Variants in CARF observed in about 807,000 individuals in gnomAD.
CARF encodes calcium-responsive transcription factor.
In CARF, 57 loss-of-function variants were observed where a neutral mutation model predicts 82.0. That is an observed-to-expected ratio of 0.70 (90% CI 0.56 to 0.87). The LOEUF is 0.87. CARF is among the 40% of genes least tolerant of loss of function. CARF has a pLI of 0.00. For synonymous variants in CARF, 268 were observed against 290.1 expected, an observed-to-expected ratio of 0.92 and a Z score of 0.77; for missense variants, 771 against 855.8, an observed-to-expected ratio of 0.90 and a Z score of 1.24.
chr2:202,949,854 A>G (rs2058680399), intron 5 of CARF, among the ~76,000 whole-genome samples: 1 of 152,108 alleles, frequency 6.6e-6, no homozygotes. Flanking sequence ...CTGGCCCAAT[A>G]TGACTTTTTA....
At chr2:202,973,830 G>C (rs2059914110) in intron 12 of CARF, among the ~76,000 whole-genome samples, 1 of 152,210 alleles carries the variant, frequency 6.6e-6, no homozygotes, top group Admixed American at 6.5e-5. Context: ...GCTCACGCCT[G>C]TAATCCCAGC....
rs758627013 is a variant in CARF at position 202,982,227 on chromosome 2, C to G, written c.1845C>G (p.Ser615Arg). 15 of 1,613,946 alleles carry G rather than the reference C, an allele frequency of 9.3e-6. No homozygotes were observed. In the East Asian group the frequency reaches 3.1e-4, roughly 34 times the overall value. Reference sequence around the variant, plus strand: ...CTCTACTGCTTGGTCAAAGTCATAGCCTTCAAAGAGATACATGCTTAACCC... The same window carrying G: ...CTCTACTGCTTGGTCAAAGTCATAGGCTTCAAAGAGATACATGCTTAACCC... ...NNSLLLGQSHSLQRDTCLTQN... is the reference protein window; with the variant it reads ...NNSLLLGQSHRLQRDTCLTQN... Residue 615 changes from serine to arginine, a missense_variant, in exon 16 of 17, where the codon AGC becomes AGG. Transcript: ENST00000438828.
intron 3 of CARF, among the ~76,000 whole-genome samples, chr2:202,930,975 T>C (rs901142095): frequency 4.8e-5 from 7 of 145,372 alleles, no homozygotes; most frequent in South Asian, 4.5e-4. Flanking sequence ...TTTCTTTTTT[T>C]TTTTTTTTTT....
intron 1 of CARF, among the ~76,000 whole-genome samples, chr2:202,915,552 C>G (rs879645487): frequency 2.5e-4 from 38 of 152,156 alleles, no homozygotes; most frequent in Non-Finnish European, 4.7e-4. Flanking sequence ...TCACTGCAAC[C>G]TCCAACTCCC....
At position 202,952,515 on chromosome 2, in the gene CARF, G is replaced by A. The variant is rs374958746; in HGVS notation, c.307-44G>A. ...TTAATTAATAATTTTTGTTAAATCA[G>A]TCTAGGCATATGCATTTGATTTTTT... is the stretch of plus-strand genomic sequence containing the variant. On this transcript the variant is annotated intron_variant, in intron 5 of 16. Coordinates refer to ENST00000438828, the MANE Select transcript of CARF (RefSeq NM_024744.17). 3.9e-5 allele frequency: 62 copies of A among 1,598,836 alleles called. No homozygotes were observed. In the African/African-American group the frequency reaches 7.4e-4, roughly 19 times the overall value.
At chr2:202,969,411 A>C (rs986320023) in intron 10 of CARF, among the ~76,000 whole-genome samples, 7 of 151,914 alleles carry the variant, frequency 4.6e-5, no homozygotes, top group Non-Finnish European at 1.0e-4. Flanking sequence ...CCCTGTCTCT[A>C]CTAAAAATAC....
At chr2:202,983,193 CA>C (rs747573480) in intron 16 of CARF, among the ~76,000 whole-genome samples, 2 of 152,122 alleles carry the variant, frequency 1.3e-5, no homozygotes, top group Non-Finnish European at 2.9e-5. Context: ...TTTGGAATTA[CA>C]AAATAAATGT....
chr2:202,960,729 C>T (rs1052697795), intron 8 of CARF, among the ~76,000 whole-genome samples: 1 of 151,364 alleles, frequency 6.6e-6, no homozygotes, highest in African/African-American at 2.4e-5. Context: ...CGCCTTCCCA[C>T]CTTCCCGCCT....
intron 9 of CARF, chr2:202,962,582 TA>T (rs1220288845): frequency 6.6e-6 from 1 of 152,176 alleles, no homozygotes; most frequent in African/African-American, 2.4e-5. Flanking sequence ...TAACCCTCCA[TA>T]GGTAGCTACT....
intron 8 of CARF, among the ~76,000 whole-genome samples, chr2:202,956,743 G>A (rs1427926835): frequency 1.3e-5 from 2 of 151,978 alleles, no homozygotes; most frequent in Non-Finnish European, 2.9e-5. Context: ...ATAAAGTTTT[G>A]TACTAATTTC....
chr2:202,958,706 A>AC (rs1328684870), intron 8 of CARF, among the ~76,000 whole-genome samples: 1 of 151,988 alleles, frequency 6.6e-6, no homozygotes, highest in Non-Finnish European at 1.5e-5. Flanking sequence ...AGAGATTGAG[A>AC]CCATCCTGGC....
chr2:202,981,822 G>A, intron 15 of CARF, 137 bp downstream of exon 15: 2 of 1,021,796 alleles, frequency 2.0e-6, no homozygotes, highest in Non-Finnish European at 2.8e-6. Context: ...TTAATTTCCT[G>A]ATCTTTTTGT....
chr2:202,942,477 A>G (rs1309552823), intron 4 of CARF: 7 of 556,226 alleles, frequency 1.3e-5, no homozygotes, highest in African/African-American at 2.0e-5. Flanking sequence ...TAAAAATTTT[A>G]TATACAGAGA....
At chr2:202,982,581 G>T in intron 16 of CARF, 140 bp downstream of exon 16, 3 of 847,822 alleles carry the variant, frequency 3.5e-6, no homozygotes, top group South Asian at 2.1e-5. Flanking sequence ...TGAGAGAGAA[G>T]GAGGAGATTT....
At position 202,982,457 on chromosome 2, in the gene CARF, T is replaced by C. The variant is rs759512977; in HGVS notation, c.2059+16T>C. 3.5e-5 allele frequency: 57 copies of C among 1,612,360 alleles called. 2 individuals are homozygous for C. The South Asian group carries it at 5.9e-4, about 17-fold the overall frequency. On this transcript the variant is annotated intron_variant, in intron 16 of 16. Transcript: ENST00000438828. ...TCAGCTCTTAGTAAGTTGAAATCAA[T>C]TTATGATGTTATTGTTGTAACCTTT...
At chr2:202,923,016 C>T (rs555605062) in intron 2 of CARF, among the ~76,000 whole-genome samples, 108 of 151,896 alleles carry the variant, frequency 7.1e-4, no homozygotes, top group African/African-American at 2.4e-3. Flanking sequence ...CTGAGGTGGG[C>T]GGATCACCTG....
At chr2:202,934,667 C>T (rs1384677555) in intron 3 of CARF, 3 of 152,194 alleles carry the variant, frequency 2.0e-5, no homozygotes, top group African/African-American at 7.2e-5. Flanking sequence ...GTTGTCCGGG[C>T]TCGTCTGGAA....
At chr2:202,918,444 C>G (rs1458251437) in intron 2 of CARF, among the ~76,000 whole-genome samples, 1 of 152,144 alleles carries the variant, frequency 6.6e-6, no homozygotes, top group Non-Finnish European at 1.5e-5. Context: ...TGGTGTGAAC[C>G]TGGGAGGCGG....
At chr2:202,933,592 G>A (rs1219784509) in intron 3 of CARF, among the ~76,000 whole-genome samples, 5 of 152,098 alleles carry the variant, frequency 3.3e-5, no homozygotes, top group Non-Finnish European at 7.4e-5. Flanking sequence ...GGGTGGTGGA[G>A]GCCGGATGCT....
Sources: gnomAD v4.1 joint callset for allele counts (sites outside exome capture counted in the v4.1 genomes callset) on GRCh38, gnomAD v4.1.1 for gene constraint, MANE v1.5 for transcripts, NCBI Gene and HGNC (gene_info 2026-07-23, HGNC 2026-07-21) for gene names.